Variants in SGCZ observed in about 807,000 individuals in gnomAD.
SGCZ encodes the protein zeta-sarcoglycan.
In SGCZ, 40 loss-of-function variants were observed where a neutral mutation model predicts 41.3. That is an observed-to-expected ratio of 0.97 (90% CI 0.75 to 1.26). The LOEUF (loss-of-function observed/expected upper bound fraction) is 1.26, where lower values mean the gene tolerates loss of function less well. SGCZ is among the 50% of genes most tolerant of loss of function. The probability of loss-of-function intolerance (pLI) is 0.00; values close to 1 mark genes in which losing one functional copy is unlikely to be tolerated. For synonymous variants in SGCZ, 206 were observed against 137.5 expected (o/e 1.50, Z -3.49); for missense variants, 552 against 369.8 (o/e 1.49, Z -4.04).
chr8:15,086,317 A>C (rs1020697799), intron 1 of SGCZ, among the ~76,000 whole-genome samples: 6 of 152,218 alleles, frequency 3.9e-5, no homozygotes, highest in African/African-American at 1.4e-4. Context: ...TGCTAAAGAC[A>C]CATAAGCTTG....
At chr8:15,221,706 G>A (rs1375569718) in intron 1 of SGCZ, among the ~76,000 whole-genome samples, 1 of 152,210 alleles carries the variant, frequency 6.6e-6, no homozygotes, top group East Asian at 1.9e-4. Flanking sequence ...AGTTGTCGAC[G>A]ACTCTGCCCG....
intron 2 of SGCZ, among the ~76,000 whole-genome samples, chr8:14,470,664 GGA>G (rs1801189262): frequency 6.6e-6 from 1 of 152,024 alleles, no homozygotes; most frequent in African/African-American, 2.4e-5. Flanking sequence ...TATGACGGTT[GGA>G]GATAATCAGT....
chr8:14,999,561 T>C (rs1356961972), intron 1 of SGCZ, among the ~76,000 whole-genome samples: 1 of 152,050 alleles, frequency 6.6e-6, no homozygotes, highest in Non-Finnish European at 1.5e-5. Flanking sequence ...AAGGAGGAAG[T>C]GGTGAGACAG....
Position 14,960,202 on chromosome 8 carries a change from A to AT in SGCZ, c.39+277382dup, listed in dbSNP as rs1009474545. Among the ~76,000 whole-genome samples the AT allele has an allele frequency of 2.3e-4, 35 of 151,742 alleles. No individual in the cohort carries two copies. The East Asian group carries it at 2.5e-3, about 11-fold the overall frequency. ...AACGCTCTTTGAGGGTGAATGCAAT[A>AT]TTTTTTTTTCTGTAAAAGGCACTAC... On this transcript the variant is annotated intron_variant, in intron 1 of 7. Coordinates refer to ENST00000382080, the MANE Select transcript of SGCZ (RefSeq NM_139167.4).
chr8:14,748,924 T>C (rs1437366270), intron 1 of SGCZ, among the ~76,000 whole-genome samples: 3 of 152,136 alleles, frequency 2.0e-5, no homozygotes, highest in Non-Finnish European at 4.4e-5. Context: ...TAAGGTAGAT[T>C]AAATGATTTT....
At chr8:14,335,480 T>C (rs995864789) in intron 2 of SGCZ, among the ~76,000 whole-genome samples, 3 of 152,238 alleles carry the variant, frequency 2.0e-5, no homozygotes, top group African/African-American at 7.2e-5. Context: ...TTGGAAAATA[T>C]GTAATATTAG....
At chr8:14,273,692 T>C (rs920403879) in intron 3 of SGCZ, among the ~76,000 whole-genome samples, 53 of 152,174 alleles carry the variant, frequency 3.5e-4, no homozygotes, top group African/African-American at 1.0e-3. Flanking sequence ...TATGATGTGT[T>C]GGGTAAACTC....
intron 3 of SGCZ, among the ~76,000 whole-genome samples, chr8:14,314,896 G>A (rs1801664143): frequency 6.6e-6 from 1 of 152,148 alleles, no homozygotes; most frequent in African/African-American, 2.4e-5. Flanking sequence ...ACAACCCCTA[G>A]AAGGAGGTTT....
intron 1 of SGCZ, among the ~76,000 whole-genome samples, chr8:14,988,910 AG>A (rs1046106807): frequency 3.3e-5 from 5 of 152,022 alleles, no homozygotes; most frequent in South Asian, 2.1e-4. Context: ...ATTTGTGGGG[AG>A]GGGGGGCATT....
intron 1 of SGCZ, among the ~76,000 whole-genome samples, chr8:15,106,524 G>T (rs1022473513): frequency 6.6e-6 from 1 of 151,980 alleles, no homozygotes; most frequent in Non-Finnish European, 1.5e-5. Context: ...TATTGTAAAT[G>T]AAACTTTTCC....
intron 2 of SGCZ, among the ~76,000 whole-genome samples, chr8:14,368,990 G>A (rs1028858698): frequency 2.0e-5 from 3 of 150,662 alleles, no homozygotes; most frequent in South Asian, 2.1e-4. Context: ...GTCCTGGATT[G>A]TCTGCTGTCA....
intron 1 of SGCZ, among the ~76,000 whole-genome samples, chr8:14,798,488 C>G (rs575059400): frequency 6.6e-6 from 1 of 152,054 alleles, no homozygotes; most frequent in Non-Finnish European, 1.5e-5. Flanking sequence ...GAAAAATAAA[C>G]TATGTACATG....
chr8:14,470,660 G>C (rs535338350), intron 2 of SGCZ, among the ~76,000 whole-genome samples: 1 of 152,004 alleles, frequency 6.6e-6, no homozygotes, highest in Non-Finnish European at 1.5e-5. Context: ...ACTATATGAC[G>C]GTTGGAGATA....
intron 5 of SGCZ, among the ~76,000 whole-genome samples, chr8:14,145,243 T>C (rs930310350): frequency 1.3e-5 from 2 of 152,236 alleles, no homozygotes; most frequent in East Asian, 3.9e-4. Context: ...ATCTTTTTTT[T>C]TTAGAAAGTA....
At chr8:14,202,411 A>C (rs1805483523) in intron 4 of SGCZ, among the ~76,000 whole-genome samples, 1 of 152,112 alleles carries the variant, frequency 6.6e-6, no homozygotes, top group Admixed American at 6.6e-5. Flanking sequence ...GTGGTGTAAG[A>C]CACTAAGTTT....
At chr8:15,030,953 A>G (rs1803638038) in intron 1 of SGCZ, among the ~76,000 whole-genome samples, 1 of 152,088 alleles carries the variant, frequency 6.6e-6, no homozygotes. Flanking sequence ...GGCCACACCA[A>G]TTTTTATTTT....
chr8:14,352,315 G>C (rs1315864152), intron 2 of SGCZ, among the ~76,000 whole-genome samples: 2 of 152,038 alleles, frequency 1.3e-5, no homozygotes, highest in African/African-American at 2.4e-5. Context: ...ATAAGGAGTA[G>C]AGTGTAAGGA....
Position 14,298,249 on chromosome 8 carries a change from A to G in SGCZ, c.336+25854T>C, listed in dbSNP as rs185890830. ...TATGAAAATTCTACTGTAAATATGA[A>G]TATCATACTGAATAGAAAAGACTAA... On this transcript the variant is annotated intron_variant, in intron 3 of 7. Transcript: ENST00000382080. Among the ~76,000 whole-genome samples the G allele has an allele frequency of 2.6e-4, 39 of 152,164 alleles. No individual in the cohort carries two copies. The East Asian group carries it at 5.8e-3, about 23-fold the overall frequency.
At chr8:14,768,026 G>A (rs961303383) in intron 1 of SGCZ, among the ~76,000 whole-genome samples, 1 of 152,226 alleles carries the variant, frequency 6.6e-6, no homozygotes, top group South Asian at 2.1e-4. Context: ...CACACATCTT[G>A]TTGTTTTTAA....
Sources: allele counts gnomAD v4.1 joint callset (sites outside exome capture counted in the v4.1 genomes callset), GRCh38; gene constraint gnomAD v4.1.1; transcripts MANE v1.5; gene names NCBI Gene and HGNC (gene_info 2026-07-23, HGNC 2026-07-21).